ZBTB20: variants seen among roughly 807,000 people sequenced by gnomAD.
ZBTB20 encodes zinc finger and BTB domain-containing protein 20.
Under a neutral mutation model 56.9 loss-of-function variants are expected in ZBTB20, and 9 were observed. The ratio of observed to expected loss-of-function variants is 0.16; its 90% CI spans 0.10 to 0.28. The LOEUF (loss-of-function observed/expected upper bound fraction) is 0.28, where lower values mean the gene tolerates loss of function less well. Ranked by LOEUF, ZBTB20 falls within the 10% of genes least tolerant of loss-of-function variation. ZBTB20 has a pLI of 1.00. For synonymous variants in ZBTB20, 417 were observed against 420.7 expected, an observed-to-expected ratio of 0.99 and a Z score of 0.11; for missense variants, 655 against 1,003.0, an observed-to-expected ratio of 0.65 and a Z score of 4.69.
At chr3:114,825,338 C>A (rs918862201) in intron 4 of ZBTB20, among the ~76,000 whole-genome samples, 1 of 151,932 alleles carries the variant, frequency 6.6e-6, no homozygotes, top group African/African-American at 2.4e-5. Context: ...TAGGGTTCTA[C>A]CAAGGCCACT....
Position 114,380,290 on chromosome 3 carries a change from C to A in ZBTB20, c.126G>T (p.Leu42Phe), listed in dbSNP as rs1247923591. 4.6e-6 allele frequency: 7 copies of A among 1,537,094 alleles called. No homozygotes were observed. Among genetic ancestry groups the A allele is most frequent in the Non-Finnish European group, 6.1e-6 (7 of 1,146,854 alleles). ...AGTGGATGAGGGCTGGGTCTGGAGACAAAACAGCTTCAAAGTTCAGGCAGG... is the reference window on the plus strand; with the variant it reads ...AGTGGATGAGGGCTGGGTCTGGAGAAAAAACAGCTTCAAAGTTCAGGCAGG... ...GLPCLNFEAV[L>F]SPDPALIHST... is the part of the protein sequence containing the mutation. The change falls in exon 10 of 12, where the codon TTG becomes TTT. Residue 42 changes from leucine to phenylalanine, a missense_variant. By Grantham distance (22) the Leu-to-Phe change is conservative. Around this residue, in one of 10 missense-constraint regions of ZBTB20, gnomAD observed 79 missense variants for 78.4 expected, o/e 1.01. Transcript: ENST00000675478.
At chr3:114,494,369 T>C (rs752112263) in intron 7 of ZBTB20, among the ~76,000 whole-genome samples, 3 of 152,198 alleles carry the variant, frequency 2.0e-5, no homozygotes, top group African/African-American at 4.8e-5. Context: ...GTATATGCTC[T>C]CAGACCAGAT....
At chr3:114,429,479 C>T (rs971549277) in intron 7 of ZBTB20, among the ~76,000 whole-genome samples, 1 of 152,112 alleles carries the variant, frequency 6.6e-6, no homozygotes, top group African/African-American at 2.4e-5. Flanking sequence ...ATCCTAAATT[C>T]AATGCCCTAA....
chr3:114,474,551 C>T (rs780516243), intron 7 of ZBTB20, among the ~76,000 whole-genome samples: 8 of 152,122 alleles, frequency 5.3e-5, no homozygotes, highest in Non-Finnish European at 2.9e-5. Context: ...CCAAGCCCGG[C>T]CCTTCTGCTG....
chr3:114,536,954 G>A (rs1014594535), intron 6 of ZBTB20, among the ~76,000 whole-genome samples: 1 of 152,032 alleles, frequency 6.6e-6, no homozygotes, highest in African/African-American at 2.4e-5. Flanking sequence ...AACCGAAACT[G>A]GACCCCTTCC....
At chr3:115,049,960 T>C (rs1424714138) in intron 2 of ZBTB20, among the ~76,000 whole-genome samples, 1 of 152,110 alleles carries the variant, frequency 6.6e-6, no homozygotes, top group East Asian at 1.9e-4. Flanking sequence ...CTGATTTAAA[T>C]ATGCCTTTCA....
At position 114,338,492 on chromosome 3, in the gene ZBTB20, A is replaced by G. The variant is rs1365151461; in HGVS notation, c.*513T>C. 6.6e-6 allele frequency: 1 copy of G among 152,488 alleles called. No homozygotes were observed. Among genetic ancestry groups the G allele is most frequent in the African/African-American group, 2.4e-5 (1 of 41,434 alleles). 9.4% of individuals were successfully genotyped at this position (152,488 alleles called of 1,614,324 possible). A position where few individuals can be genotyped will look rare whatever the true frequency, so the allele number is the denominator to read the frequency against. On this transcript the variant is annotated 3_prime_UTR_variant, in exon 12 of 12. Transcript: ENST00000675478. ...AGCAGGGCCTTTCCTCTGGGTTTTC[A>G]ACCAGAAGTGATATTCCACAGTTTT...
intron 10 of ZBTB20, among the ~76,000 whole-genome samples, chr3:114,353,225 G>T (rs1165211397): frequency 6.6e-6 from 1 of 152,154 alleles, no homozygotes; most frequent in Non-Finnish European, 1.5e-5. Flanking sequence ...CTGATTGTTG[G>T]CCTGGACCCA....
At chr3:114,408,204 A>C (rs2087532067) in intron 7 of ZBTB20, among the ~76,000 whole-genome samples, 1 of 152,204 alleles carries the variant, frequency 6.6e-6, no homozygotes, top group Admixed American at 6.5e-5. Context: ...TTATATGATA[A>C]AAAATACTAT....
chr3:115,121,495 G>GA (rs917756196), intron 1 of ZBTB20, among the ~76,000 whole-genome samples: 4 of 150,774 alleles, frequency 2.7e-5, no homozygotes, highest in African/African-American at 9.7e-5. Flanking sequence ...GAGGCAAAAA[G>GA]AAAAAAAAGA....
chr3:115,081,256 G>C (rs1033103998), intron 1 of ZBTB20, among the ~76,000 whole-genome samples: 1 of 151,984 alleles, frequency 6.6e-6, no homozygotes, highest in Admixed American at 6.6e-5. Flanking sequence ...TTGTTGAGTA[G>C]AACAAACTTT....
At chr3:114,360,127 G>A (rs1003310501) in intron 10 of ZBTB20, among the ~76,000 whole-genome samples, 1 of 150,752 alleles carries the variant, frequency 6.6e-6, no homozygotes. Flanking sequence ...AAAGCTTTCT[G>A]GCAAAAAATA....
At chr3:114,802,968 T>C (rs1250385208) in intron 4 of ZBTB20, among the ~76,000 whole-genome samples, 2 of 151,882 alleles carry the variant, frequency 1.3e-5, no homozygotes, top group Admixed American at 6.6e-5. Flanking sequence ...GTTGAATGAA[T>C]TGAACTATCA....
chr3:114,789,259 T>A (rs1220440935), intron 5 of ZBTB20, among the ~76,000 whole-genome samples: 1 of 152,234 alleles, frequency 6.6e-6, no homozygotes, highest in African/African-American at 2.4e-5. Context: ...AGCTGTATTA[T>A]GCATAATGTT....
At chr3:114,385,895 T>C (rs1042177306) in intron 8 of ZBTB20, among the ~76,000 whole-genome samples, 3 of 152,164 alleles carry the variant, frequency 2.0e-5, no homozygotes, top group African/African-American at 7.2e-5. Flanking sequence ...ATTTCAGTAA[T>C]CTGTTTAGAT....
chr3:114,461,114 A>G (rs1156315524), intron 7 of ZBTB20, among the ~76,000 whole-genome samples: 1 of 152,178 alleles, frequency 6.6e-6, no homozygotes, highest in East Asian at 1.9e-4. Context: ...CAGTAGTTCT[A>G]GTTAGAAGCA....
chr3:114,360,315 T>C (rs2081685653), intron 10 of ZBTB20, among the ~76,000 whole-genome samples: 1 of 151,138 alleles, frequency 6.6e-6, no homozygotes, highest in African/African-American at 2.4e-5. Context: ...GTATCTCTGT[T>C]TGTTGGTAGG....
At chr3:114,684,038 G>C (rs1456536137) in intron 6 of ZBTB20, among the ~76,000 whole-genome samples, 1 of 152,086 alleles carries the variant, frequency 6.6e-6, no homozygotes, top group African/African-American at 2.4e-5. Context: ...CAAACAAGTT[G>C]TCTCCTCTGA....
At chr3:114,697,465 G>A (rs772355071) in intron 5 of ZBTB20, among the ~76,000 whole-genome samples, 30 of 151,912 alleles carry the variant, frequency 2.0e-4, no homozygotes, top group Non-Finnish European at 3.4e-4. Context: ...AAGGGCCATG[G>A]ATGTTAACTA....
Sources: allele counts gnomAD v4.1 joint callset (sites outside exome capture counted in the v4.1 genomes callset), GRCh38; gene constraint gnomAD v4.1.1; regional missense constraint gnomAD v4.1.1; transcripts MANE v1.5; gene names NCBI Gene and HGNC (gene_info 2026-07-23, HGNC 2026-07-21).